The following GRID1 variants were observed in gnomAD, a reference collection of about 807,000 sequenced individuals.
GRID1 encodes the protein glutamate receptor ionotropic, delta-1.
In GRID1, 28 loss-of-function variants were observed where a neutral mutation model predicts 98.0. The observed-to-expected ratio is 0.29, with a 90% CI of 0.21 to 0.39. The LOEUF (loss-of-function observed/expected upper bound fraction) is 0.39. GRID1 is among the 10% of genes least tolerant of loss of function. GRID1 has a pLI of 1.00. For missense variants in GRID1, 1,111 were observed against 1,340.5 expected (o/e 0.83, Z 2.67); for synonymous variants, 553 against 538.5 (o/e 1.03, Z -0.37).
chr10:86,354,357 A>G (rs561949192), intron 2 of GRID1, among the ~76,000 whole-genome samples: 2 of 152,330 alleles, frequency 1.3e-5, no homozygotes, highest in African/African-American at 4.8e-5. Flanking sequence ...TCCCAGGAGG[A>G]TGGAAAACAT....
intron 12 of GRID1, among the ~76,000 whole-genome samples, chr10:85,654,437 T>G (rs1350684615): frequency 6.6e-6 from 1 of 152,242 alleles, no homozygotes; most frequent in Non-Finnish European, 1.5e-5. Context: ...AAATTTGCAT[T>G]TTTATTACGT....
At chr10:86,232,175 G>A (rs1223963787) in intron 2 of GRID1, among the ~76,000 whole-genome samples, 4 of 152,140 alleles carry the variant, frequency 2.6e-5, no homozygotes, top group Admixed American at 6.5e-5. Flanking sequence ...CCAATCCCAC[G>A]AGGAAGAAAA....
chr10:85,657,579 T>C (rs975209698), intron 12 of GRID1, among the ~76,000 whole-genome samples: 1 of 152,224 alleles, frequency 6.6e-6, no homozygotes, highest in African/African-American at 2.4e-5. Flanking sequence ...TTGGGTTGAC[T>C]AGTCTCCCTT....
At chr10:86,297,636 T>A (rs1847613281) in intron 2 of GRID1, among the ~76,000 whole-genome samples, 1 of 152,110 alleles carries the variant, frequency 6.6e-6, no homozygotes, top group Non-Finnish European at 1.5e-5. Context: ...GTACAAAAGC[T>A]TTGTAGGAAA....
chr10:85,791,055 G>A (rs1257447890), intron 8 of GRID1, among the ~76,000 whole-genome samples: 1 of 152,156 alleles, frequency 6.6e-6, no homozygotes, highest in Non-Finnish European at 1.5e-5. Context: ...CCTAGCGATG[G>A]CCACCCATGG....
chr10:86,327,165 AAAGT>A (rs1185572902), intron 2 of GRID1, among the ~76,000 whole-genome samples: 1 of 152,224 alleles, frequency 6.6e-6, no homozygotes, highest in Non-Finnish European at 1.5e-5. Flanking sequence ...ATTTGATTTC[AAAGT>A]AAGTCATCCT....
chr10:86,181,420 T>A (rs1366530274), intron 3 of GRID1, among the ~76,000 whole-genome samples: 1 of 152,104 alleles, frequency 6.6e-6, no homozygotes, highest in Non-Finnish European at 1.5e-5. Context: ...GACACTAACA[T>A]GAACCCAGAG....
chr10:85,721,371 T>C (rs1349046351), intron 12 of GRID1, among the ~76,000 whole-genome samples: 2 of 152,194 alleles, frequency 1.3e-5, no homozygotes, highest in Non-Finnish European at 2.9e-5. Context: ...TGAAAACTCA[T>C]GTTCATGCAA....
At chr10:85,968,872 A>T (rs1842372187) in intron 4 of GRID1, among the ~76,000 whole-genome samples, 1 of 152,218 alleles carries the variant, frequency 6.6e-6, no homozygotes, top group Non-Finnish European at 1.5e-5. Flanking sequence ...ATGTAAATGA[A>T]TTAAATACTC....
Position 86,282,807 on chromosome 10 carries a change from C to G in GRID1, c.236-76159G>C, listed in dbSNP as rs534764411. On this transcript the variant is annotated intron_variant, in intron 2 of 15. Coordinates refer to ENST00000327946, the MANE Select transcript of GRID1 (RefSeq NM_017551.3). ...ATTATCTCCCTCCTAGATGTCCACA[C>G]CAGCCCTGCCTCCAACCCATTCTCC... Among the ~76,000 whole-genome samples the G allele has an allele frequency of 4.6e-5, 7 of 152,238 alleles. No individual in the cohort carries two copies. The East Asian group carries it at 1.4e-3, about 29-fold the overall frequency.
At chr10:85,697,893 A>G (rs939937955) in intron 12 of GRID1, among the ~76,000 whole-genome samples, 3 of 152,266 alleles carry the variant, frequency 2.0e-5, no homozygotes, top group African/African-American at 7.2e-5. Flanking sequence ...GAGGTCTGAG[A>G]CTTCACTTAT....
chr10:86,025,138 A>G (rs1450696168), intron 4 of GRID1, among the ~76,000 whole-genome samples: 1 of 152,212 alleles, frequency 6.6e-6, no homozygotes, highest in Non-Finnish European at 1.5e-5. Context: ...TGGAGAAGTC[A>G]GTCCACAGAG....
intron 4 of GRID1, among the ~76,000 whole-genome samples, chr10:85,947,882 GT>G (rs1295808660): frequency 2.0e-5 from 3 of 152,198 alleles, no homozygotes; most frequent in Admixed American, 2.0e-4. Context: ...TCTTGGATAT[GT>G]TGCAAAAGAA....
At chr10:85,926,898 A>G (rs1841781572) in intron 4 of GRID1, among the ~76,000 whole-genome samples, 1 of 152,242 alleles carries the variant, frequency 6.6e-6, no homozygotes, top group African/African-American at 2.4e-5. Context: ...TAATTCATGG[A>G]TATGAAATGG....
intron 12 of GRID1, among the ~76,000 whole-genome samples, chr10:85,668,991 C>A (rs1841054616): frequency 1.3e-5 from 2 of 152,224 alleles, no homozygotes; most frequent in Admixed American, 1.3e-4. Context: ...TGTGGACTTG[C>A]ACTGGCAAAG....
At chr10:86,084,138 G>A (rs1320029351) in intron 4 of GRID1, among the ~76,000 whole-genome samples, 1 of 152,180 alleles carries the variant, frequency 6.6e-6, no homozygotes, top group Non-Finnish European at 1.5e-5. Context: ...CAGTGACGGG[G>A]TAGTAGGTAC....
intron 2 of GRID1, among the ~76,000 whole-genome samples, chr10:86,350,647 C>T: frequency 6.6e-6 from 1 of 151,952 alleles, no homozygotes; most frequent in South Asian, 2.1e-4. Context: ...GTAGACACCT[C>T]TGCCTTTTTT....
chr10:86,250,648 G>T (rs12776047), intron 2 of GRID1, among the ~76,000 whole-genome samples: 5 of 139,938 alleles, frequency 3.6e-5, no homozygotes, highest in African/African-American at 5.0e-5. Flanking sequence ...GAGGTGGGGG[G>T]CAGCCCCCGC....
intron 2 of GRID1, among the ~76,000 whole-genome samples, chr10:86,216,526 A>C (rs1846179338): frequency 6.6e-6 from 1 of 152,266 alleles, no homozygotes; most frequent in South Asian, 2.1e-4. Flanking sequence ...GGGGCCTCCT[A>C]GACTTGGTTC....
Sources: allele counts gnomAD v4.1 joint callset (sites outside exome capture counted in the v4.1 genomes callset), GRCh38; gene constraint gnomAD v4.1.1; transcripts MANE v1.5; gene names NCBI Gene and HGNC (gene_info 2026-07-23, HGNC 2026-07-21).